Variants in GPM6A observed in about 807,000 individuals in gnomAD.
The protein encoded by GPM6A is neuronal membrane glycoprotein M6-a.
Under a neutral mutation model 32.1 loss-of-function variants are expected in GPM6A, and 7 were observed. That is an observed-to-expected ratio of 0.22 (90% CI 0.12 to 0.41). GPM6A has a LOEUF of 0.41. GPM6A is among the 10% of genes least tolerant of loss of function. GPM6A has a pLI of 1.00. For synonymous variants in GPM6A, 130 were observed against 123.4 expected (o/e 1.05, Z -0.35); for missense variants, 235 against 347.2 (o/e 0.68, Z 2.57).
At chr4:175,939,946 C>G (rs1340835498) in intron 1 of GPM6A, among the ~76,000 whole-genome samples, 1 of 151,660 alleles carries the variant, frequency 6.6e-6, no homozygotes, top group Admixed American at 6.6e-5. Flanking sequence ...TATAATATTT[C>G]TGAGAAAATG....
At chr4:175,772,769 CA>C (rs1733242361) in intron 1 of GPM6A, among the ~76,000 whole-genome samples, 1 of 152,120 alleles carries the variant, frequency 6.6e-6, no homozygotes, top group African/African-American at 2.4e-5. Context: ...TTTCTACCTA[CA>C]TTTTTTACAC....
intron 2 of GPM6A, among the ~76,000 whole-genome samples, chr4:175,685,815 A>C (rs1022449082): frequency 1.3e-5 from 2 of 152,104 alleles, no homozygotes; most frequent in Non-Finnish European, 2.9e-5. Flanking sequence ...ACACCCCCCC[A>C]CACACATATC....
intron 1 of GPM6A, among the ~76,000 whole-genome samples, chr4:175,762,513 A>G (rs1732789286): frequency 1.3e-5 from 2 of 152,112 alleles, no homozygotes; most frequent in South Asian, 4.1e-4. Flanking sequence ...TATGTTTAGT[A>G]TGAAATGTAT....
intron 1 of GPM6A, among the ~76,000 whole-genome samples, chr4:175,967,719 C>T (rs1371225062): frequency 2.0e-5 from 3 of 152,040 alleles, no homozygotes; most frequent in Non-Finnish European, 2.9e-5. Flanking sequence ...ACAAAATATA[C>T]ACAAGAACTA....
chr4:175,734,656 G>A (rs1740698075), intron 1 of GPM6A, among the ~76,000 whole-genome samples: 1 of 151,676 alleles, frequency 6.6e-6, no homozygotes, highest in African/African-American at 2.4e-5. Flanking sequence ...GGCAGATCAT[G>A]AGGTCAGGAG....
intron 1 of GPM6A, among the ~76,000 whole-genome samples, chr4:175,839,587 T>C (rs574244406): frequency 2.6e-4 from 39 of 152,128 alleles, no homozygotes; most frequent in African/African-American, 8.9e-4. Context: ...ATAAACCCAA[T>C]TCAAAAATAA....
intron 2 of GPM6A, among the ~76,000 whole-genome samples, chr4:175,687,057 C>T (rs1443009667): frequency 6.6e-6 from 1 of 152,190 alleles, no homozygotes; most frequent in Non-Finnish European, 1.5e-5. Flanking sequence ...TTTCCAGTTG[C>T]TTCTCTACCA....
At chr4:175,944,842 C>T (rs568175302) in intron 1 of GPM6A, among the ~76,000 whole-genome samples, 7 of 152,164 alleles carry the variant, frequency 4.6e-5, no homozygotes, top group South Asian at 2.1e-4. Context: ...CCTAATAATG[C>T]GTTTTGTAGG....
chr4:175,645,217 T>C (rs1205320205), intron 4 of GPM6A, among the ~76,000 whole-genome samples: 4 of 152,210 alleles, frequency 2.6e-5, no homozygotes, highest in Non-Finnish European at 4.4e-5. Flanking sequence ...CGGGCTTCTT[T>C]AGTACCTTAT....
chr4:175,768,848 C>A (rs1279405951), intron 1 of GPM6A, among the ~76,000 whole-genome samples: 2 of 152,090 alleles, frequency 1.3e-5, no homozygotes, highest in Non-Finnish European at 2.9e-5. Context: ...GTAATCTCAG[C>A]AGTTTGGGAG....
intron 2 of GPM6A, among the ~76,000 whole-genome samples, chr4:175,697,180 A>G (rs892120941): frequency 6.6e-6 from 1 of 152,152 alleles, no homozygotes; most frequent in African/African-American, 2.4e-5. Context: ...AGTCCTTTGG[A>G]GAGCTATTCA....
intron 2 of GPM6A, among the ~76,000 whole-genome samples, chr4:175,690,851 G>T (rs1185090881): frequency 1.3e-5 from 2 of 152,138 alleles, no homozygotes; most frequent in Admixed American, 6.6e-5. Flanking sequence ...GCCATTATCA[G>T]CCTGTCACAA....
intron 1 of GPM6A, among the ~76,000 whole-genome samples, chr4:175,818,703 A>G (rs972345112): frequency 6.6e-6 from 1 of 152,254 alleles, no homozygotes; most frequent in Non-Finnish European, 1.5e-5. Context: ...TGCTTCCACA[A>G]AATATTTTAG....
chr4:175,861,749 G>GAAAAAA (rs10716525), intron 1 of GPM6A, among the ~76,000 whole-genome samples: 7 of 87,234 alleles, frequency 8.0e-5, no homozygotes, highest in African/African-American at 2.3e-4. Flanking sequence ...AAGAGACTCT[G>GAAAAAA]AAAAAAAAAA....
chr4:175,710,278 G>A (rs1463969816), intron 1 of GPM6A, among the ~76,000 whole-genome samples: 1 of 151,904 alleles, frequency 6.6e-6, no homozygotes, highest in Non-Finnish European at 1.5e-5. Flanking sequence ...AAAGATGGAT[G>A]CTGAGCTCAT....
At chr4:175,816,309 T>TG (rs1735098918), upstream of GPM6A, among the ~76,000 whole-genome samples, 1 of 152,266 alleles carries the variant, frequency 6.6e-6, no homozygotes, top group Non-Finnish European at 1.5e-5. Context: ...TGTATATTAC[T>TG]TTTTTCTTAT....
intron 1 of GPM6A, among the ~76,000 whole-genome samples, chr4:175,885,567 G>T (rs762578666): frequency 6.6e-6 from 1 of 152,156 alleles, no homozygotes; most frequent in African/African-American, 2.4e-5. Context: ...AGAGGGCAAG[G>T]CTGCAATGAT....
rs1452964504 is a variant in GPM6A, at chr4:175,673,735, T to G, written c.332A>C (p.Lys111Thr). 6.2e-7 allele frequency: 1 copy of G among 1,612,804 alleles called. No homozygotes were observed. The highest frequency in any genetic ancestry group is 2.2e-5 in the East Asian group (1 of 44,884). ...VEGFFTTGAI[K>T]DLYGDFKITT... The stretch of plus-strand genomic sequence containing the variant: ...GATTTTGAAATCCCCATAGAGATCT[T>G]TGATGGCCCCAGTTGTGAAGAAACC... The change falls in exon 3 of 7, where the codon AAA (lysine) becomes ACA (threonine). Residue 111 changes from lysine (K) to threonine (T), a missense_variant. Lys to Thr is a moderately conservative substitution (Grantham distance 78, BLOSUM62 -1). This residue lies in a region of GPM6A where 101 missense variants were observed against 171.2 expected (regional missense o/e 0.59). Coordinates refer to ENST00000393658, the MANE Select transcript of GPM6A (RefSeq NM_201591.3).
chr4:175,931,712 A>ATG (rs1739053174), intron 1 of GPM6A, among the ~76,000 whole-genome samples: 1 of 110,908 alleles, frequency 9.0e-6, no homozygotes, highest in Non-Finnish European at 1.9e-5. Flanking sequence ...ACACACACAT[A>ATG]TATATATATA....
Sources: allele counts gnomAD v4.1 joint callset (sites outside exome capture counted in the v4.1 genomes callset), GRCh38; gene constraint gnomAD v4.1.1; regional missense constraint gnomAD v4.1.1; transcripts MANE v1.5; gene names NCBI Gene and HGNC (gene_info 2026-07-23, HGNC 2026-07-21).